Variants in CFAP299 observed in about 807,000 individuals in gnomAD.
CFAP299 encodes cilia- and flagella-associated protein 299.
Under a neutral mutation model 27.0 loss-of-function variants are expected in CFAP299, and 21 were observed. That is an observed-to-expected ratio of 0.78 (90% confidence interval 0.55 to 1.12). CFAP299 has a LOEUF of 1.12. CFAP299 is among the 50% of genes most tolerant of loss of function. The probability of loss-of-function intolerance (pLI) is 0.00; values close to 1 mark genes in which losing one functional copy is unlikely to be tolerated. For missense variants in CFAP299, 310 were observed against 276.6 expected, an observed-to-expected ratio of 1.12 and a Z score of -0.86; for synonymous variants, 104 against 98.1, an observed-to-expected ratio of 1.06 and a Z score of -0.36.
At chr4:80,924,538 G>GTGTGTA (rs5859742) in intron 4 of CFAP299, among the ~76,000 whole-genome samples, 2,283 of 131,570 alleles carry the variant, frequency 0.017, 35 homozygotes, top group African/African-American at 0.035. Context: ...GTGTGTGTGT[G>GTGTGTA]TATATATATA....
At chr4:80,667,879 T>A (rs1340917993) in intron 3 of CFAP299, among the ~76,000 whole-genome samples, 1 of 152,080 alleles carries the variant, frequency 6.6e-6, no homozygotes, top group East Asian at 1.9e-4. Context: ...CTTTTTTTAA[T>A]TTTTTTAGGA....
intron 3 of CFAP299, among the ~76,000 whole-genome samples, chr4:80,674,347 G>A (rs1719249452): frequency 6.6e-6 from 1 of 152,006 alleles, no homozygotes; most frequent in Non-Finnish European, 1.5e-5. Context: ...TTGAATATTG[G>A]CCCCCACTCT....
intron 2 of CFAP299, among the ~76,000 whole-genome samples, chr4:80,412,303 C>T (rs1214781095): frequency 1.4e-5 from 2 of 147,446 alleles, no homozygotes; most frequent in Admixed American, 6.8e-5. Context: ...AAACACTAAA[C>T]ATAAAAGCAT....
At chr4:80,517,251 G>A (rs1346209518) in intron 2 of CFAP299, among the ~76,000 whole-genome samples, 7 of 152,180 alleles carry the variant, frequency 4.6e-5, no homozygotes. Flanking sequence ...TGTTTAGAAT[G>A]AATGGACACT....
Position 80,519,180 on chromosome 4 carries a change from G to A in CFAP299, c.243-63913G>A, listed in dbSNP as rs1343308478. On this transcript the variant is annotated intron_variant, in intron 2 of 5. Coordinates refer to ENST00000358105, the MANE Select transcript of CFAP299 (RefSeq NM_152770.3). ...GTTTGTGTGTGTACTCTGTTAATAT[G>A]TGTGTGTGTGTGTGTGTATGTGTGT... 4.8e-5 allele frequency among the ~76,000 whole-genome samples: 3 copies of A among 63,060 alleles called. No homozygotes were observed. The African/African-American group carries it at 8.4e-4, about 18-fold the overall frequency. 41.4% of individuals were successfully genotyped at this position (63,060 alleles called of 152,430 possible).
intron 2 of CFAP299, among the ~76,000 whole-genome samples, chr4:80,370,595 A>G (rs371296289): frequency 4.6e-5 from 7 of 152,346 alleles, no homozygotes; most frequent in African/African-American, 1.4e-4. Context: ...AATCGGCCAA[A>G]AGAAAGGGGC....
intron 2 of CFAP299, among the ~76,000 whole-genome samples, chr4:80,426,188 A>G (rs1327425858): frequency 2.0e-5 from 3 of 151,340 alleles, no homozygotes; most frequent in South Asian, 2.1e-4. Context: ...AACTATTTCT[A>G]TATTTATCTG....
chr4:80,662,208 C>T (rs989456025), intron 3 of CFAP299, among the ~76,000 whole-genome samples: 9 of 152,008 alleles, frequency 5.9e-5, no homozygotes, highest in African/African-American at 2.2e-4. Flanking sequence ...ACACTCCTTC[C>T]CCTTTTGAAA....
At chr4:80,820,136 T>C (rs1230799483) in intron 3 of CFAP299, among the ~76,000 whole-genome samples, 2 of 152,152 alleles carry the variant, frequency 1.3e-5, no homozygotes, top group Non-Finnish European at 2.9e-5. Flanking sequence ...ATTTAAGAAA[T>C]ATAGACAGGT....
At chr4:80,819,103 G>A (rs1474917407) in intron 3 of CFAP299, among the ~76,000 whole-genome samples, 1 of 152,032 alleles carries the variant, frequency 6.6e-6, no homozygotes, top group African/African-American at 2.4e-5. Flanking sequence ...TAGATTTAAT[G>A]TGAAGCAAGA....
intron 3 of CFAP299, among the ~76,000 whole-genome samples, chr4:80,727,713 A>G (rs542941150): frequency 1.3e-3 from 200 of 152,146 alleles, no homozygotes; most frequent in African/African-American, 4.1e-3. Flanking sequence ...TTCATAGCTA[A>G]TTATTATTAT....
chr4:80,340,922 T>G (rs1722416882), intron 1 of CFAP299, among the ~76,000 whole-genome samples: 1 of 152,126 alleles, frequency 6.6e-6, no homozygotes, highest in African/African-American at 2.4e-5. Context: ...ATTACAGGTA[T>G]GCACCACCAC....
At chr4:80,602,569 A>G (rs1167319208) in intron 3 of CFAP299, among the ~76,000 whole-genome samples, 3 of 152,206 alleles carry the variant, frequency 2.0e-5, no homozygotes, top group Non-Finnish European at 4.4e-5. Flanking sequence ...ATTCTAGCAT[A>G]GAAATTAAAT....
chr4:80,749,949 T>TA (rs1724839692), intron 3 of CFAP299, among the ~76,000 whole-genome samples: 1 of 152,226 alleles, frequency 6.6e-6, no homozygotes, highest in Admixed American at 6.5e-5. Flanking sequence ...TCACAGTACT[T>TA]ATCATAGTAC....
intron 4 of CFAP299, among the ~76,000 whole-genome samples, chr4:80,910,982 A>C (rs1735441246): frequency 6.6e-6 from 1 of 152,076 alleles, no homozygotes; most frequent in South Asian, 2.1e-4. Flanking sequence ...AACATTCAAT[A>C]ACGTTATCTT....
rs1553918706 is a variant in CFAP299 at position 80,386,516 on chromosome 4, G to GC, written c.242+23632_242+23633insC. 3 of 1,487,406 alleles carry GC rather than the reference G, an allele frequency of 2.0e-6. No homozygotes were observed. In the African/African-American group the frequency reaches 4.4e-5, roughly 22 times the overall value. 92.1% of individuals were successfully genotyped at this position (1,487,406 alleles called of 1,614,324 possible). On this transcript the variant is annotated intron_variant, in intron 2 of 5. Transcript: ENST00000358105. ...CCCTCTTCTCGCGGGCGGTGGTGGG[G>GC]GGGGGGGGTGCCGCCGGGTTTGCAG... is the stretch of plus-strand genomic sequence containing the variant.
At chr4:80,785,141 T>G (rs889432347) in intron 3 of CFAP299, among the ~76,000 whole-genome samples, 23 of 83,384 alleles carry the variant, frequency 2.8e-4, no homozygotes, top group Non-Finnish European at 5.1e-4. Context: ...TTCCTCTATG[T>G]TTTTTTTTTT....
At chr4:80,473,933 A>C (rs756918333) in intron 2 of CFAP299, among the ~76,000 whole-genome samples, 2 of 152,188 alleles carry the variant, frequency 1.3e-5, no homozygotes, top group Non-Finnish European at 2.9e-5. Flanking sequence ...AAAAAATTGT[A>C]CTATTAAAAA....
At chr4:80,858,620 G>T (rs1288413591) in intron 3 of CFAP299, among the ~76,000 whole-genome samples, 1 of 151,908 alleles carries the variant, frequency 6.6e-6, no homozygotes. Flanking sequence ...CTTTGTTCTC[G>T]TTGGTTTCAA....
Sources: gnomAD v4.1 joint callset for allele counts (sites outside exome capture counted in the v4.1 genomes callset) on GRCh38, gnomAD v4.1.1 for gene constraint, MANE v1.5 for transcripts, NCBI Gene and HGNC (gene_info 2026-07-23, HGNC 2026-07-21) for gene names.